ITPRID2: variants seen among roughly 807,000 people sequenced by gnomAD.
ITPRID2 encodes the protein protein ITPRID2.
Under a neutral mutation model 124.3 loss-of-function variants are expected in ITPRID2, and 60 were observed. That is an observed-to-expected ratio of 0.48 (90% CI 0.39 to 0.60). The LOEUF is 0.60. ITPRID2 is among the 20% of genes least tolerant of loss of function. ITPRID2 has a pLI of 0.00. For synonymous variants in ITPRID2, 521 were observed against 542.9 expected (o/e 0.96, Z 0.56); for missense variants, 1,553 against 1,512.2 (o/e 1.03, Z -0.45).
intron 16 of ITPRID2, among the ~76,000 whole-genome samples, chr2:181,926,712 C>CA (rs567004734): frequency 0.1 from 6,830 of 65,496 alleles, 266 homozygotes; most frequent in African/African-American, 0.16. Flanking sequence ...GAATCCATCT[C>CA]AAAAAAAAAA....
In ITPRID2 at chr2:181,900,807, T is replaced by A. The variant is rs970833557; in HGVS notation, c.615T>A (p.Phe205Leu). The change falls in exon 7 of 18, where the codon TTT becomes TTA. Residue 205 changes from phenylalanine to leucine, a missense_variant. By Grantham distance (22) the Phe-to-Leu change is conservative (BLOSUM62 0). Transcript: ENST00000431877. ...DIASKIPSRFFNSSSFAKGID... is the reference protein window; with the variant it reads ...DIASKIPSRFLNSSSFAKGID... ...CTTCTAAAATTCCTTCCAGATTTTT[T>A]AATTCATCATCCTTTGCCAAAGGGA... 1.2e-6 allele frequency: 2 copies of A among 1,613,412 alleles called. No individual in the cohort carries two copies. Among genetic ancestry groups the A allele is most frequent in the South Asian group, 1.1e-5 (1 of 90,990 alleles).
chr2:181,922,830 G>A (rs1437028091), intron 16 of ITPRID2, among the ~76,000 whole-genome samples: 1 of 152,104 alleles, frequency 6.6e-6, no homozygotes, highest in Non-Finnish European at 1.5e-5. Context: ...GCTGGGGTAG[G>A]AGAATTGCTT....
intron 7 of ITPRID2, among the ~76,000 whole-genome samples, 155 bp from the exon 8 acceptor site, chr2:181,901,611 A>G (rs1017040296): frequency 6.6e-5 from 10 of 152,188 alleles, no homozygotes; most frequent in African/African-American, 2.4e-4. Context: ...GTGAATGTAG[A>G]GAAGGTTTAA....
intron 10 of ITPRID2, among the ~76,000 whole-genome samples, chr2:181,914,475 A>G (rs906216817): frequency 6.6e-6 from 1 of 152,218 alleles, no homozygotes; most frequent in Non-Finnish European, 1.5e-5. Context: ...TTGGGATGAG[A>G]AAACTCCCAA....
chr2:181,895,577 TGG>T (rs34800614), intron 2 of ITPRID2, among the ~76,000 whole-genome samples: 3,358 of 152,112 alleles, frequency 0.022, 125 homozygotes, highest in African/African-American at 0.077. Context: ...AGGAAACTAT[TGG>T]GCCTCATTTC....
In ITPRID2 at chr2:181,900,848, T is replaced by A. The variant is rs1692604227; in HGVS notation, c.656T>A (p.Phe219Tyr). 9.3e-6 allele frequency: 15 copies of A among 1,613,032 alleles called. No homozygotes were observed. Among genetic ancestry groups the A allele is most frequent in the Non-Finnish European group, 1.2e-5 (14 of 1,179,550 alleles). Residue 219 changes from phenylalanine to tyrosine, a missense_variant, in exon 7 of 18, where the codon TTT becomes TAT. Physicochemically the swap from Phe to Tyr is conservative, Grantham distance 22. Transcript: ENST00000431877. Reference sequence around the variant, plus strand: ...GCCAAAGGGATAGATATTAAAGTATTTTTGAGTGCTCAGATGCAACGGATG... The same window carrying A: ...GCCAAAGGGATAGATATTAAAGTATATTTGAGTGCTCAGATGCAACGGATG... ...SFAKGIDIKV[F>Y]LSAQMQRMEV...
chr2:181,922,183 T>C lies in ITPRID2; in HGVS notation c.3446T>C (p.Phe1149Ser). The C allele has an allele frequency of 6.2e-7, 1 of 1,614,268 alleles. No homozygotes were observed. Among genetic ancestry groups the C allele is most frequent in the Non-Finnish European group, 8.5e-7 (1 of 1,180,046 alleles). The change falls in exon 16 of 18, where the codon TTC becomes TCC. Residue 1149 changes from phenylalanine to serine, a missense_variant. Coordinates refer to ENST00000431877, the MANE Select transcript of ITPRID2 (RefSeq NM_001130445.3). The part of the protein sequence containing the change: ...KTPLVARKKV[F>S]RASVALTPTA... ...CCATTAGTGGCAAGGAAGAAAGTGT[T>C]CCGAGCATCGGTGGCTCTAACGCCA... is the stretch of plus-strand genomic sequence containing the variant.
intron 6 of ITPRID2, among the ~76,000 whole-genome samples, chr2:181,899,661 C>T (rs1002374529): frequency 2.0e-4 from 31 of 152,190 alleles, no homozygotes; most frequent in African/African-American, 4.6e-4. Flanking sequence ...TATGGGGAAA[C>T]GGCGAAACCC....
chr2:181,916,828 C>T, intron 11 of ITPRID2: 1 of 1,003,102 alleles, frequency 1.0e-6, no homozygotes, highest in African/African-American at 1.7e-5. Context: ...CTACCTTTTC[C>T]TTTTCCAAGT....
chr2:181,892,678 C>T lies in ITPRID2; in HGVS notation c.257+18C>T, dbSNP rs1254299518. On this transcript the variant is annotated intron_variant, in intron 2 of 17. Coordinates refer to ENST00000431877, the MANE Select transcript of ITPRID2 (RefSeq NM_001130445.3). The surrounding 1 kb of genome is among the most constrained non-coding windows in gnomAD (Gnocchi z 5.2). ...GACTGCCGGTGAGTGCTCCCTGGTC[C>T]GCCCGCGTCCCGGGGGAGATCCGTG... 2 of 1,613,826 alleles carry T rather than the reference C, an allele frequency of 1.2e-6. No individual in the cohort carries two copies. The highest frequency in any genetic ancestry group is 1.3e-5 in the African/African-American group (1 of 74,938).
Position 181,891,796 on chromosome 2 carries a change from C to T in ITPRID2, c.-271C>T, listed in dbSNP as rs10168909. On this transcript the variant is annotated 5_prime_UTR_variant, in exon 1 of 18. Transcript: ENST00000431877. Reference sequence around the variant, plus strand: ...GGGTGGGGAGCAGGGGCCGGGCGGGCGCTCGGCTCCCAGCCGCGCTCCCTC... The same window carrying T: ...GGGTGGGGAGCAGGGGCCGGGCGGGTGCTCGGCTCCCAGCCGCGCTCCCTC... The T allele has an allele frequency of 0.011, 2,742 of 259,234 alleles. 78 individuals carry two copies. The highest frequency in any genetic ancestry group is 0.058 in the African/African-American group (2,542 of 43,996). 16.1% of individuals were successfully genotyped at this position (259,234 alleles called of 1,614,324 possible). A position where few individuals can be genotyped will look rare whatever the true frequency, so the allele number is the denominator to read the frequency against.
chr2:181,917,094 TC>T (rs1694122490), intron 11 of ITPRID2: 1 of 890,366 alleles, frequency 1.1e-6, no homozygotes, highest in Non-Finnish European at 1.3e-6. Flanking sequence ...GAAATAATTT[TC>T]CCAAAAAAAT....
Position 181,928,211 on chromosome 2 carries a change from T to C in ITPRID2, c.3726T>C (p.Leu1242=), listed in dbSNP as rs759065808. ...TCAGACGGGAAATTGTAAGTGGACTTTTGGCAGCAGTATCTTCAAGTAAAG... is the reference window on the plus strand; with the variant it reads ...TCAGACGGGAAATTGTAAGTGGACTCTTGGCAGCAGTATCTTCAAGTAAAG... ...GEIRREIVSG[L]LAAVSSSKAS... Residue 1242 remains leucine, a synonymous_variant, in exon 17 of 18, where the codon CTT becomes CTC. Coordinates refer to ENST00000431877, the MANE Select transcript of ITPRID2 (RefSeq NM_001130445.3). 8 of 1,551,130 alleles carry C rather than the reference T, an allele frequency of 5.2e-6. No homozygotes were observed.
At position 181,901,956 on chromosome 2, in the gene ITPRID2, A is replaced by G; in HGVS notation, c.903A>G (p.Lys301=). The G allele has an allele frequency of 6.2e-7, 1 of 1,613,882 alleles. No homozygotes were observed. Among genetic ancestry groups the G allele is most frequent in the Non-Finnish European group, 8.5e-7 (1 of 1,179,910 alleles). Residue 301 remains lysine (K), a synonymous_variant, in exon 8 of 18, where the codon AAA becomes AAG. Transcript: ENST00000431877. The part of the protein sequence containing the change: ...TANRLMKTLS[K]LNLCVDKTEK... The stretch of plus-strand genomic sequence containing the variant: ...ATCGTTTAATGAAAACACTCTCAAA[A>G]CTGAATTTATGTGTTGATAAAACAG...
Position 181,902,308 on chromosome 2 carries a change from A to C in ITPRID2, c.1255A>C (p.Ser419Arg). The C allele has an allele frequency of 6.2e-7, 1 of 1,614,004 alleles. No individual in the cohort carries two copies. Among genetic ancestry groups the C allele is most frequent in the South Asian group, 1.1e-5 (1 of 91,072 alleles). The change falls in exon 8 of 18, where the codon AGT becomes CGT. Residue 419 changes from serine (S) to arginine (R), a missense_variant. By Grantham distance (110) the Ser-to-Arg change is moderately radical (BLOSUM62 -1). Transcript: ENST00000431877. This position sits in a 1 kb window ranked among gnomAD's most constrained non-coding sequence, Gnocchi z 4.4. ...ESGIVESKLD[S>R]DFNISSHSEL... ...TGGTATTGTAGAATCCAAATTAGAT[A>C]GTGATTTCAACATATCCAGCCACAG...
In ITPRID2 at chr2:181,891,966, GC is replaced by G. The variant is rs576951641; in HGVS notation, c.-96del. ...CCGGCGCCCGCTTCAGCTCCCCGGG[GC>G]CCCCTGCCCGGCCGGGCGCTGACAG... On this transcript the variant is annotated 5_prime_UTR_variant, in exon 1 of 18. Coordinates refer to ENST00000431877, the MANE Select transcript of ITPRID2 (RefSeq NM_001130445.3). 1.3e-3 allele frequency: 1,514 copies of G among 1,178,334 alleles called. 16 individuals are homozygous for G. In the African/African-American group the frequency reaches 0.022, roughly 17 times the overall value. The allele number at this position is 1,178,334 out of a possible 1,614,324, so 73.0% of individuals were successfully genotyped here.
Position 181,896,837 on chromosome 2 carries a change from TA to T in ITPRID2, c.308-67del. 1 of 1,242,888 alleles carries T rather than the reference TA, an allele frequency of 8.0e-7. No homozygotes were observed. The highest frequency in any genetic ancestry group is 1.2e-6 in the Non-Finnish European group (1 of 850,020). The allele number at this position is 1,242,888 out of a possible 1,614,324, so 77.0% of individuals were successfully genotyped here. A position where few individuals can be genotyped will look rare whatever the true frequency, so the allele number is the denominator to read the frequency against. The stretch of plus-strand genomic sequence containing the variant: ...AGATATTTTGCTGGGTGAATTTAAC[TA>T]AAACAGTGATTTTATATGAGGGTGG... On this transcript the variant is annotated intron_variant, in intron 3 of 17. Coordinates refer to ENST00000431877, the MANE Select transcript of ITPRID2 (RefSeq NM_001130445.3). This position sits in a 1 kb window ranked among gnomAD's most constrained non-coding sequence, Gnocchi z 4.3.
In ITPRID2 at chr2:181,926,049, G is replaced by A. The variant is rs570950762; in HGVS notation, c.3676-2112G>A. On this transcript the variant is annotated intron_variant, in intron 16 of 17. Coordinates refer to ENST00000431877, the MANE Select transcript of ITPRID2 (RefSeq NM_001130445.3). ...AGCACTTTGGGAGGCCGAGGTGGGC[G>A]GATCACCTGAGGTCAGGAGTTCGAG... 6.0e-4 allele frequency among the ~76,000 whole-genome samples: 92 copies of A among 152,094 alleles called. 1 individual carries two copies. The Middle Eastern group carries it at 0.01, about 17-fold the overall frequency.
chr2:181,907,792 G>A lies in ITPRID2; in HGVS notation c.1414-2107G>A. On this transcript the variant is annotated intron_variant, in intron 8 of 17. Transcript: ENST00000431877. This position sits in a 1 kb window ranked among gnomAD's most constrained non-coding sequence, Gnocchi z 5.1. ...GAAATTCACCCATTATCACTAGCAT[G>A]TATGTTTCTCTCTTCAGCAAGTGGG... 6.6e-6 allele frequency among the ~76,000 whole-genome samples: 1 copy of A among 152,158 alleles called. No individual in the cohort carries two copies. The highest frequency in any genetic ancestry group is 1.9e-4 in the East Asian group (1 of 5,196).
Sources: allele counts gnomAD v4.1 joint callset (sites outside exome capture counted in the v4.1 genomes callset), GRCh38; gene constraint gnomAD v4.1.1; non-coding constraint Gnocchi (gnomAD v3.1); transcripts MANE v1.5; gene names NCBI Gene and HGNC (gene_info 2026-07-23, HGNC 2026-07-21).